Variants in NOX3 observed in about 807,000 individuals in gnomAD.
The protein encoded by NOX3 is NADPH oxidase 3.
Under a neutral mutation model 76.7 loss-of-function variants are expected in NOX3, and 74 were observed. The ratio of observed to expected loss-of-function variants is 0.96; its 90% CI spans 0.80 to 1.17. NOX3 has a LOEUF of 1.17. NOX3 is among the 50% of genes most tolerant of loss of function. NOX3 has a pLI of 0.00. For synonymous variants in NOX3, 263 were observed against 261.1 expected (o/e 1.01, Z -0.07); for missense variants, 695 against 703.3 (o/e 0.99, Z 0.13).
chr6:155,410,296 A>AGTGTGTGTAT (rs1554262974), intron 11 of NOX3, among the ~76,000 whole-genome samples: 2 of 149,346 alleles, frequency 1.3e-5, no homozygotes, highest in African/African-American at 4.9e-5. Flanking sequence ...CTATAAGGCC[A>AGTGTGTGTAT]GTGTGTGTGT....
chr6:155,440,519 T>C (rs1208696530), intron 5 of NOX3, among the ~76,000 whole-genome samples: 2 of 151,880 alleles, frequency 1.3e-5, no homozygotes, highest in African/African-American at 4.8e-5. Flanking sequence ...TTTGAGCCTA[T>C]AGTCTCAGCT....
chr6:155,434,243 C>A (rs2114698389), intron 7 of NOX3, among the ~76,000 whole-genome samples: 1 of 152,324 alleles, frequency 6.6e-6, no homozygotes, highest in South Asian at 2.1e-4. Context: ...TTCTCCTTTA[C>A]CACTAACAGC....
chr6:155,411,267 T>C lies in NOX3; in HGVS notation c.1402A>G (p.Lys468Glu). Residue 468 changes from lysine (K) to glutamate (E), a missense_variant, in exon 11 of 14, where the codon AAA (lysine) becomes GAA (glutamate). Lys to Glu is a moderately conservative substitution (Grantham distance 56, BLOSUM62 1). Transcript: ENST00000159060. ...SLETRMSEQG[K>E]THFLSYHIFL... is the part of the protein sequence containing the mutation. ...ATATGATAACTCAGAAAGTGAGTTTTCCCCTGCTCACTCATCCGTGTTTCC... is the reference window on the plus strand; with the variant it reads ...ATATGATAACTCAGAAAGTGAGTTTCCCCCTGCTCACTCATCCGTGTTTCC... The C allele has an allele frequency of 6.2e-7, 1 of 1,613,994 alleles. No individual in the cohort carries two copies. The highest frequency in any genetic ancestry group is 8.5e-7 in the Non-Finnish European group (1 of 1,179,880).
intron 7 of NOX3, among the ~76,000 whole-genome samples, chr6:155,433,314 C>T (rs563488696): frequency 1.3e-5 from 2 of 152,186 alleles, no homozygotes; most frequent in East Asian, 1.9e-4. Context: ...GAGAGATGGC[C>T]AGGGATGAAT....
chr6:155,423,743 C>CTTTT (rs528445827), intron 9 of NOX3, among the ~76,000 whole-genome samples: 1 of 137,542 alleles, frequency 7.3e-6, no homozygotes, highest in African/African-American at 2.7e-5. Flanking sequence ...TTTTCTTTTT[C>CTTTT]TTTTTTTTTT....
In NOX3 at chr6:155,413,138, T is replaced by C. The variant is rs531363626; in HGVS notation, c.1309-1778A>G. On this transcript the variant is annotated intron_variant, in intron 10 of 13. Transcript: ENST00000159060. ...ATCAGTAATGGATGGACATGAACCA[T>C]CAATTCGTGGAGATTCATGTCCCCT... 2.6e-5 allele frequency among the ~76,000 whole-genome samples: 4 copies of C among 152,190 alleles called. No individual in the cohort carries two copies. The East Asian group carries it at 7.7e-4, about 29-fold the overall frequency.
At chr6:155,427,028 T>TGC (rs1554263763) in intron 9 of NOX3, among the ~76,000 whole-genome samples, 9 of 121,790 alleles carry the variant, frequency 7.4e-5, no homozygotes, top group South Asian at 3.2e-4. Context: ...TGTGTGTGTG[T>TGC]GCTGGGGGGG....
chr6:155,452,345 G>A (rs1194318540), intron 4 of NOX3, among the ~76,000 whole-genome samples: 2 of 152,150 alleles, frequency 1.3e-5, no homozygotes, highest in African/African-American at 4.8e-5. Flanking sequence ...CAGCACTACT[G>A]TGGGCCTTGG....
intron 11 of NOX3, among the ~76,000 whole-genome samples, chr6:155,409,502 T>C (rs1467272478): frequency 6.6e-6 from 1 of 152,194 alleles, no homozygotes; most frequent in Non-Finnish European, 1.5e-5. Flanking sequence ...ACATTTGGAA[T>C]GATATTTGTC....
chr6:155,436,447 C>A lies in NOX3; in HGVS notation c.769G>T (p.Val257Leu). ...AEWQTVAQCP[V>L]PQFSGKEPSA... Reference sequence around the variant, plus strand: ...GGTTCCTTGCCAGAAAATTGAGGCACGGGGCATTGGGCCACTGTCTGCCAT... The same window carrying A: ...GGTTCCTTGCCAGAAAATTGAGGCAAGGGGCATTGGGCCACTGTCTGCCAT... Residue 257 changes from valine (V) to leucine (L), a missense_variant, in exon 7 of 14, where the codon GTG (valine) becomes TTG (leucine). Transcript: ENST00000159060. 1 of 1,614,052 alleles carries A rather than the reference C, an allele frequency of 6.2e-7. No homozygotes were observed.
chr6:155,453,603 A>G (rs1486407427), intron 3 of NOX3, 115 bp from the exon 4 acceptor site: 1 of 788,884 alleles, frequency 1.3e-6, no homozygotes, highest in Non-Finnish European at 2.2e-6. Context: ...AAGTGGGGCT[A>G]TGTGACACAA....
Position 155,452,169 on chromosome 6 carries a change from C to T in NOX3, c.340+1235G>A, listed in dbSNP as rs569178414. Among the ~76,000 whole-genome samples, 7 of 152,300 alleles carry T rather than the reference C, an allele frequency of 4.6e-5. 2 individuals are homozygous for T. Among genetic ancestry groups the T allele is most frequent in the African/African-American group, 1.7e-4 (7 of 41,572 alleles). The stretch of plus-strand genomic sequence containing the variant: ...CGATCTGGTCTCTGTTTGGACATCA[C>T]CCATGATGGGGAATTCAGTATTCTT... On this transcript the variant is annotated intron_variant, in intron 4 of 13. Transcript: ENST00000159060.
chr6:155,450,095 G>A (rs116329017), intron 4 of NOX3, among the ~76,000 whole-genome samples: 4,553 of 152,316 alleles, frequency 0.03, 235 homozygotes, highest in African/African-American at 0.1. Context: ...TCTGCTGGTC[G>A]CCATGGAGGA....
Position 155,454,809 on chromosome 6 carries a change from A to G in NOX3, c.255+2T>C, listed in dbSNP as rs770467111. 3.3e-6 allele frequency: 5 copies of G among 1,520,292 alleles called. No individual in the cohort carries two copies. In the South Asian group the frequency reaches 6.0e-5, roughly 18 times the overall value. The allele number at this position is 1,520,292 out of a possible 1,614,324, so 94.2% of individuals were successfully genotyped here. A position where few individuals can be genotyped will look rare whatever the true frequency, so the allele number is the denominator to read the frequency against. On this transcript the variant is annotated splice_donor_variant, in intron 3 of 13. Transcript: ENST00000159060. LOFTEE classifies it high-confidence loss of function. ...GATTATTTCAGATATTTTAGTACTT[A>G]CAATACTTGTTCCTCTTATGAATGA...
intron 10 of NOX3, among the ~76,000 whole-genome samples, chr6:155,411,774 A>C (rs556460435): frequency 6.6e-6 from 1 of 152,320 alleles, no homozygotes; most frequent in South Asian, 2.1e-4. Context: ...TTTCTTCTCC[A>C]GAGACCCCAA....
At chr6:155,397,870 C>T (rs940553506) in intron 12 of NOX3, among the ~76,000 whole-genome samples, 1 of 152,154 alleles carries the variant, frequency 6.6e-6, no homozygotes, top group Non-Finnish European at 1.5e-5. Context: ...AAAATATAGT[C>T]ACCCAAACGT....
intron 4 of NOX3, among the ~76,000 whole-genome samples, chr6:155,445,894 T>TATATTTATATATATGCTATAG (rs1777053964): frequency 7.8e-6 from 1 of 127,868 alleles, no homozygotes; most frequent in Non-Finnish European, 1.6e-5. Flanking sequence ...ATGCTATATA[T>TATATTTATATATATGCTATAG]ATATATTATA....
In NOX3 at chr6:155,453,313, GGTGA is replaced by G. The variant is rs1562474409; in HGVS notation, c.340+87_340+90del. On this transcript the variant is annotated intron_variant, in intron 4 of 13. Transcript: ENST00000159060. ...AGGGCAAAGTTTTCTTTTACCTGAG[GGTGA>G]GACTTGGGGAAGGCAGAGTTAAAAC... 101 of 972,178 alleles carry G rather than the reference GGTGA, an allele frequency of 1.0e-4. 1 individual carries two copies. The South Asian group carries it at 1.3e-3, about 12-fold the overall frequency. The allele number at this position is 972,178 out of a possible 1,614,324, so 60.2% of individuals were successfully genotyped here. A position where few individuals can be genotyped will look rare whatever the true frequency, so the allele number is the denominator to read the frequency against.
At chr6:155,403,379 C>T (rs1311755696) in intron 12 of NOX3, among the ~76,000 whole-genome samples, 1 of 152,088 alleles carries the variant, frequency 6.6e-6, no homozygotes, top group Non-Finnish European at 1.5e-5. Flanking sequence ...CTTCATGTGT[C>T]TAATATTAAT....
Sources: gnomAD v4.1 joint callset for allele counts (sites outside exome capture counted in the v4.1 genomes callset) on GRCh38, gnomAD v4.1.1 for gene constraint, MANE v1.5 for transcripts, NCBI Gene and HGNC (gene_info 2026-07-23, HGNC 2026-07-21) for gene names.